Variants in ZNF33A observed in about 807,000 individuals in gnomAD.
ZNF33A encodes the protein brain my041 protein.
Under a neutral mutation model 15.9 loss-of-function variants are expected in ZNF33A, and 9 were observed. The ratio of observed to expected loss-of-function variants is 0.57; its 90% CI spans 0.34 to 0.99. The LOEUF is 0.99. ZNF33A is among the 50% of genes least tolerant of loss of function. ZNF33A has a pLI of 0.02. For synonymous variants in ZNF33A, 294 were observed against 324.2 expected, an observed-to-expected ratio of 0.91 and a Z score of 1.00; for missense variants, 843 against 941.6, an observed-to-expected ratio of 0.90 and a Z score of 1.37.
chr10:38,044,181 A>G lies in ZNF33A; in HGVS notation c.251-10194A>G, dbSNP rs544402732. 2.0e-5 allele frequency among the ~76,000 whole-genome samples: 3 copies of G among 149,088 alleles called. No homozygotes were observed. In the South Asian group the frequency reaches 6.4e-4, roughly 32 times the overall value. ...CTTTAAGTTTACTGATTATTTTGCC[A>G]GCTACAACCTTTCTTTTCTTTTCTT... On this transcript the variant is annotated intron_variant, in intron 4 of 4. Coordinates refer to ENST00000432900, the MANE Select transcript of ZNF33A (RefSeq NM_006954.2).
intron 4 of ZNF33A, among the ~76,000 whole-genome samples, chr10:38,025,429 A>T (rs2064939523): frequency 6.6e-6 from 1 of 152,244 alleles, no homozygotes; most frequent in Non-Finnish European, 1.5e-5. Flanking sequence ...GGGTTAGATT[A>T]AGTCATGAGA....
intron 4 of ZNF33A, among the ~76,000 whole-genome samples, chr10:38,018,630 A>G (rs1451542862): frequency 6.6e-6 from 1 of 152,218 alleles, no homozygotes; most frequent in Non-Finnish European, 1.5e-5. Context: ...TAGAGAGCTC[A>G]TTAAAGGCCT....
chr10:38,029,186 G>T (rs1411733562), intron 4 of ZNF33A, among the ~76,000 whole-genome samples: 1 of 152,088 alleles, frequency 6.6e-6, no homozygotes, highest in African/African-American at 2.4e-5. Flanking sequence ...AGTCTAGTTT[G>T]TTTTTATTTC....
chr10:38,054,114 A>G (rs1458068157), intron 4 of ZNF33A, among the ~76,000 whole-genome samples: 1 of 152,162 alleles, frequency 6.6e-6, no homozygotes, highest in Non-Finnish European at 1.5e-5. Flanking sequence ...TTCTTCTTAC[A>G]CTAGAAACCA....
chr10:38,024,163 CA>C lies in ZNF33A; in HGVS notation c.250+6795del, dbSNP rs71007682. On this transcript the variant is annotated intron_variant, in intron 4 of 4. Coordinates refer to ENST00000432900, the MANE Select transcript of ZNF33A (RefSeq NM_006954.2). ...GTGAAACTCCGTCTCAAAAACAAAA[CA>C]AAAAAAAAAAAAAAAAAGAAAAAAT... 7.9e-4 allele frequency among the ~76,000 whole-genome samples: 74 copies of C among 93,208 alleles called. 1 individual carries two copies. Among genetic ancestry groups the C allele is most frequent in the African/African-American group, 1.9e-3 (46 of 24,420 alleles). The allele number at this position is 93,208 out of a possible 152,430, so 61.1% of individuals were successfully genotyped here.
intron 4 of ZNF33A, among the ~76,000 whole-genome samples, chr10:38,052,089 T>C (rs1441388574): frequency 6.6e-6 from 1 of 152,100 alleles, no homozygotes; most frequent in Admixed American, 6.5e-5. Flanking sequence ...TGTCCACCCA[T>C]ACTTGATAGT....
At chr10:38,049,521 G>A (rs2066101391) in intron 4 of ZNF33A, among the ~76,000 whole-genome samples, 1 of 151,918 alleles carries the variant, frequency 6.6e-6, no homozygotes, top group South Asian at 2.1e-4. Flanking sequence ...CTCCTATATG[G>A]GATATAATGT....
downstream of ZNF33A, among the ~76,000 whole-genome samples, chr10:38,063,555 C>T (rs1392439254): frequency 2.0e-5 from 3 of 152,142 alleles, no homozygotes; most frequent in African/African-American, 7.2e-5. Context: ...TTGTCATGTT[C>T]TCTGTCTACA....
At position 38,021,507 on chromosome 10, in the gene ZNF33A, G is replaced by A. The variant is rs1215989512; in HGVS notation, c.250+4121G>A. 2.6e-5 allele frequency among the ~76,000 whole-genome samples: 4 copies of A among 152,154 alleles called. No individual in the cohort carries two copies. In the East Asian group the frequency reaches 7.7e-4, roughly 29 times the overall value. ...AATACAAAAATTAGCCAGGCATGGT[G>A]GCGCATGCCTGTAGTCCCAGCTACT... On this transcript the variant is annotated intron_variant, in intron 4 of 4. Coordinates refer to ENST00000432900, the MANE Select transcript of ZNF33A (RefSeq NM_006954.2).
rs2064221970 is a variant in ZNF33A at position 38,012,325 on chromosome 10, T to C, written c.-17T>C. 6.2e-7 allele frequency: 1 copy of C among 1,613,510 alleles called. No homozygotes were observed. The highest frequency in any genetic ancestry group is 1.3e-5 in the African/African-American group (1 of 74,856). ...GTATCTTCAGAGTTGTCTCCGTCTT[T>C]CCAAGAACAGAACAAAATGAACAAG... On this transcript the variant is annotated 5_prime_UTR_variant, in exon 2 of 5. Coordinates refer to ENST00000432900, the MANE Select transcript of ZNF33A (RefSeq NM_006954.2).
chr10:38,056,652 G>A lies in ZNF33A; in HGVS notation c.*92G>A, dbSNP rs1489759216. The A allele has an allele frequency of 4.7e-5, 69 of 1,462,240 alleles. No individual in the cohort carries two copies. The highest frequency in any genetic ancestry group is 5.7e-5 in the Non-Finnish European group (64 of 1,113,732). The allele number at this position is 1,462,240 out of a possible 1,614,324, so 90.6% of individuals were successfully genotyped here. ...ATTATAGGACAGCTTTTGTTAGGAA[G>A]TGATATTCTATGTAATATCAGATGG... On this transcript the variant is annotated 3_prime_UTR_variant, in exon 5 of 5. Coordinates refer to ENST00000432900, the MANE Select transcript of ZNF33A (RefSeq NM_006954.2).
chr10:38,066,301 CAG>C (rs1436613246), downstream of ZNF33A, among the ~76,000 whole-genome samples: 1 of 151,732 alleles, frequency 6.6e-6, no homozygotes, highest in Admixed American at 6.6e-5. Flanking sequence ...TTTATTGAGA[CAG>C]AGTCTCACTC....
chr10:38,034,609 T>A (rs767985870), intron 4 of ZNF33A, among the ~76,000 whole-genome samples: 2 of 152,234 alleles, frequency 1.3e-5, no homozygotes, highest in African/African-American at 4.8e-5. Context: ...TAAAGTTACA[T>A]CTTTTTCCTA....
chr10:38,012,435 T>TTTG, intron 2 of ZNF33A, 85 bp downstream of exon 2: 1 of 1,499,028 alleles, frequency 6.7e-7, no homozygotes, highest in Non-Finnish European at 9.0e-7. Flanking sequence ...GTTTTTTTTT[T>TTTG]TTTTTTTTTT....
At chr10:38,067,160 G>A (rs1230026568), downstream of ZNF33A, among the ~76,000 whole-genome samples, 1 of 152,128 alleles carries the variant, frequency 6.6e-6, no homozygotes, top group East Asian at 1.9e-4. Context: ...CAGGAAAAAG[G>A]CCCAATTTCA....
At position 38,057,291 on chromosome 10, in the gene ZNF33A, A is replaced by G. The variant is rs889555143; in HGVS notation, c.*731A>G. 2.0e-6 allele frequency: 2 copies of G among 985,168 alleles called. No individual in the cohort carries two copies. Among genetic ancestry groups the G allele is most frequent in the African/African-American group, 3.5e-5 (2 of 57,244 alleles). 61.0% of individuals were successfully genotyped at this position (985,168 alleles called of 1,614,324 possible). A position where few individuals can be genotyped will look rare whatever the true frequency, so the allele number is the denominator to read the frequency against. On this transcript the variant is annotated 3_prime_UTR_variant, in exon 5 of 5. Coordinates refer to ENST00000432900, the MANE Select transcript of ZNF33A (RefSeq NM_006954.2). ...TAGTTCCCTTTTTGTATTAATAACC[A>G]CACGCTTTCTGCAACCCTATCCCTT... is the stretch of plus-strand genomic sequence containing the variant.
chr10:38,016,534 TG>T (rs1219959594), intron 2 of ZNF33A, among the ~76,000 whole-genome samples: 5 of 152,228 alleles, frequency 3.3e-5, no homozygotes, highest in Non-Finnish European at 5.9e-5. Context: ...GAGCCAACTT[TG>T]CTCCTAATGT....
chr10:38,055,994 C>A lies in ZNF33A; in HGVS notation c.1870C>A (p.Leu624Ile). 6.2e-7 allele frequency: 1 copy of A among 1,613,976 alleles called. No individual in the cohort carries two copies. Among genetic ancestry groups the A allele is most frequent in the Non-Finnish European group, 8.5e-7 (1 of 1,179,952 alleles). ...CGKAFYQKSQ[L>I]TQHQRIHIGE... ...AAAAGCCTTCTACCAGAAGTCACAACTCACTCAGCATCAGAGAATTCACAT... is the reference window on the plus strand; with the variant it reads ...AAAAGCCTTCTACCAGAAGTCACAAATCACTCAGCATCAGAGAATTCACAT... The change falls in exon 5 of 5, where the codon CTC (leucine) becomes ATC (isoleucine). Residue 624 changes from leucine to isoleucine, a missense_variant. Physicochemically the swap from Leu to Ile is conservative, Grantham distance 5 (BLOSUM62 2). Transcript: ENST00000432900.
intron 4 of ZNF33A, among the ~76,000 whole-genome samples, chr10:38,051,458 A>AT (rs1240759570): frequency 6.6e-6 from 1 of 152,170 alleles, no homozygotes; most frequent in Non-Finnish European, 1.5e-5. Context: ...AGCAAAAATT[A>AT]CTTACCATGC....
Sources: allele counts gnomAD v4.1 joint callset (sites outside exome capture counted in the v4.1 genomes callset), GRCh38; gene constraint gnomAD v4.1.1; transcripts MANE v1.5; gene names NCBI Gene and HGNC (gene_info 2026-07-23, HGNC 2026-07-21).